CDH12: variants seen among roughly 807,000 people sequenced by gnomAD.
CDH12 encodes cadherin 12.
A neutral mutation model predicts 74.1 loss-of-function variants in CDH12; 41 were observed. The observed-to-expected ratio is 0.55, with a 90% CI of 0.43 to 0.72. The LOEUF is 0.72. CDH12 is among the 30% of genes least tolerant of loss of function. The probability of loss-of-function intolerance (pLI) is 0.00; values close to 1 mark genes in which losing one functional copy is unlikely to be tolerated. For synonymous variants in CDH12, 399 were observed against 355.0 expected (o/e 1.12, Z -1.39); for missense variants, 945 against 977.2 (o/e 0.97, Z 0.44).
intron 1 of CDH12, among the ~76,000 whole-genome samples, chr5:22,757,329 G>T (rs1469381857): frequency 2.0e-5 from 3 of 152,106 alleles, no homozygotes; most frequent in Admixed American, 6.6e-5. Context: ...AACATTTAGG[G>T]TTTCACTGTT....
Position 22,501,551 on chromosome 5 carries a change from C to T in CDH12, c.-428+3719G>A, listed in dbSNP as rs188013978. On this transcript the variant is annotated intron_variant, in intron 2 of 14. Coordinates refer to ENST00000382254, the MANE Select transcript of CDH12 (RefSeq NM_004061.5). ...CTGTGTAGATGATGAATCATAATTC[C>T]CAATGACAAGTCCATTGTGAAATCC... Among the ~76,000 whole-genome samples, 45 of 151,740 alleles carry T rather than the reference C, an allele frequency of 3.0e-4. No homozygotes were observed. In the East Asian group the frequency reaches 3.1e-3, roughly 11 times the overall value.
At chr5:22,533,053 A>G (rs1484088146) in intron 1 of CDH12, among the ~76,000 whole-genome samples, 10 of 152,086 alleles carry the variant, frequency 6.6e-5, no homozygotes, top group Admixed American at 3.3e-4. Context: ...TATCAAAGAA[A>G]ATAGATGTTC....
intron 1 of CDH12, among the ~76,000 whole-genome samples, chr5:22,825,333 A>G (rs934691796): frequency 6.6e-6 from 1 of 152,168 alleles, no homozygotes; most frequent in East Asian, 1.9e-4. Flanking sequence ...ATGTCTGGGA[A>G]AGATTTATTA....
chr5:21,908,978 G>A (rs754789764), intron 6 of CDH12, among the ~76,000 whole-genome samples: 1 of 152,090 alleles, frequency 6.6e-6, no homozygotes, highest in Non-Finnish European at 1.5e-5. Context: ...TGGTATTCTG[G>A]AGCTCAGTAT....
chr5:22,361,251 T>C (rs1431561348), intron 3 of CDH12, among the ~76,000 whole-genome samples: 4 of 152,266 alleles, frequency 2.6e-5, no homozygotes, highest in Non-Finnish European at 4.4e-5. Context: ...ACAAAATCAA[T>C]GTGCAAAAAT....
chr5:22,042,892 A>AAG (rs1201479488), intron 5 of CDH12, among the ~76,000 whole-genome samples: 2,295 of 91,038 alleles, frequency 0.025, 40 homozygotes, highest in African/African-American at 0.085. Flanking sequence ...TCTATCTCAA[A>AAG]AAAAAAAAAA....
intron 1 of CDH12, among the ~76,000 whole-genome samples, chr5:22,757,389 CTT>C (rs377346149): frequency 7.3e-4 from 111 of 152,212 alleles, no homozygotes; most frequent in African/African-American, 2.5e-3. Context: ...TTAAGTAAAA[CTT>C]AGTCTGAGGT....
intron 2 of CDH12, among the ~76,000 whole-genome samples, chr5:22,454,938 A>G (rs1449560626): frequency 6.6e-6 from 1 of 152,202 alleles, no homozygotes; most frequent in Non-Finnish European, 1.5e-5. Flanking sequence ...TTCAGATGAT[A>G]ACAATGTGGG....
intron 8 of CDH12, among the ~76,000 whole-genome samples, chr5:21,819,559 C>T (rs911595699): frequency 5.9e-5 from 9 of 151,892 alleles, no homozygotes; most frequent in Admixed American, 4.6e-4. Flanking sequence ...AGTCCAAACT[C>T]GTGGCTCATA....
At chr5:22,330,026 C>T (rs961592550) in intron 3 of CDH12, among the ~76,000 whole-genome samples, 4 of 152,160 alleles carry the variant, frequency 2.6e-5, no homozygotes, top group Non-Finnish European at 5.9e-5. Context: ...AGCTGTGGGG[C>T]TAAAGGAGTG....
At chr5:22,339,218 AT>A (rs775762112) in intron 3 of CDH12, among the ~76,000 whole-genome samples, 12 of 152,300 alleles carry the variant, frequency 7.9e-5, no homozygotes, top group Admixed American at 5.2e-4. Flanking sequence ...TTTTGTCTGC[AT>A]TTTTGCCTTA....
intron 4 of CDH12, among the ~76,000 whole-genome samples, chr5:22,192,261 A>G (rs1448645619): frequency 6.6e-6 from 1 of 152,178 alleles, no homozygotes; most frequent in Non-Finnish European, 1.5e-5. Flanking sequence ...GACTGACACA[A>G]TACAGGTCTT....
intron 1 of CDH12, among the ~76,000 whole-genome samples, chr5:22,844,236 GTTTCCTA>G (rs1737203892): frequency 6.6e-6 from 1 of 151,992 alleles, no homozygotes; most frequent in Admixed American, 6.6e-5. Flanking sequence ...ACACATTAAG[GTTTCCTA>G]TAATAACTTG....
intron 1 of CDH12, among the ~76,000 whole-genome samples, chr5:22,836,215 TTC>T (rs1736811881): frequency 2.2e-5 from 2 of 92,724 alleles, no homozygotes; most frequent in Non-Finnish European, 4.2e-5. Flanking sequence ...CTTTTTTTCT[TTC>T]TTTCTCTTTT....
intron 3 of CDH12, among the ~76,000 whole-genome samples, chr5:22,363,831 T>A (rs1416095966): frequency 6.6e-6 from 1 of 152,202 alleles, no homozygotes; most frequent in Non-Finnish European, 1.5e-5. Context: ...TTAAAGCACA[T>A]AAAACCTGAT....
At chr5:21,890,511 G>C (rs1308537585) in intron 6 of CDH12, among the ~76,000 whole-genome samples, 4 of 151,992 alleles carry the variant, frequency 2.6e-5, no homozygotes, top group Non-Finnish European at 5.9e-5. Flanking sequence ...GATTTCAATT[G>C]GTGTATTTCT....
At chr5:21,798,809 T>A (rs1310218194) in intron 10 of CDH12, among the ~76,000 whole-genome samples, 2 of 152,138 alleles carry the variant, frequency 1.3e-5, no homozygotes, top group East Asian at 3.9e-4. Context: ...GACATATATG[T>A]TTTTTGCTGA....
At chr5:21,886,458 T>A (rs1449884690) in intron 6 of CDH12, among the ~76,000 whole-genome samples, 1 of 148,190 alleles carries the variant, frequency 6.7e-6, no homozygotes, top group Non-Finnish European at 1.5e-5. Context: ...TTTTTATTAA[T>A]TTTCCTCATA....
At chr5:22,392,814 T>A (rs778553023) in intron 3 of CDH12, among the ~76,000 whole-genome samples, 3 of 152,166 alleles carry the variant, frequency 2.0e-5, no homozygotes, top group African/African-American at 7.2e-5. Context: ...TTTACAAAGA[T>A]AGATAGAGTA....
Sources: allele counts gnomAD v4.1 joint callset (sites outside exome capture counted in the v4.1 genomes callset), GRCh38; gene constraint gnomAD v4.1.1; transcripts MANE v1.5; gene names NCBI Gene and HGNC (gene_info 2026-07-23, HGNC 2026-07-21).